Variants in STIM1 observed in about 807,000 individuals in gnomAD.
STIM1 encodes stromal interaction molecule 1.
A neutral mutation model predicts 74.7 loss-of-function variants in STIM1; 25 were observed. That is an observed-to-expected ratio of 0.33 (90% CI 0.24 to 0.47). STIM1 has a LOEUF of 0.47. Ranked by LOEUF, STIM1 falls within the 20% of genes least tolerant of loss-of-function variation. STIM1 has a pLI of 1.00. For missense variants in STIM1, 728 were observed against 920.8 expected, an observed-to-expected ratio of 0.79 and a Z score of 2.71; for synonymous variants, 328 against 348.8, an observed-to-expected ratio of 0.94 and a Z score of 0.66.
intron 2 of STIM1, among the ~76,000 whole-genome samples, chr11:3,982,555 TAA>T (rs2093516899): frequency 6.6e-6 from 1 of 152,230 alleles, no homozygotes; most frequent in Non-Finnish European, 1.5e-5. Context: ...CTGTCTCATA[TAA>T]TCCTTACAAG....
At chr11:3,862,429 A>G (rs1158390296) in intron 1 of STIM1, among the ~76,000 whole-genome samples, 4 of 152,262 alleles carry the variant, frequency 2.6e-5, no homozygotes, top group African/African-American at 9.6e-5. Flanking sequence ...AGCCTTGTAG[A>G]ATGCTCTGTA....
intron 1 of STIM1, among the ~76,000 whole-genome samples, chr11:3,899,581 C>T (rs1487267122): frequency 6.7e-6 from 1 of 149,966 alleles, no homozygotes; most frequent in Non-Finnish European, 1.5e-5. Context: ...GAGAGGGCAT[C>T]CCTGTCTTGT....
rs1031529306 is a variant in STIM1, at chr11:3,873,731, C to T, written c.139+17322C>T. On this transcript the variant is annotated intron_variant, in intron 1 of 12. Transcript: ENST00000526596. ...TACGCAGGAAGGGTGTTAGGGCCTC[C>T]AGGCATACTTATGCTGCTTCTGTTA... Among the ~76,000 whole-genome samples the T allele has an allele frequency of 3.3e-5, 5 of 152,140 alleles. No homozygotes were observed. In the East Asian group the frequency reaches 9.6e-4, roughly 29 times the overall value.
chr11:4,017,337 T>C (rs771521494), intron 2 of STIM1, among the ~76,000 whole-genome samples: 5 of 152,200 alleles, frequency 3.3e-5, no homozygotes, highest in Non-Finnish European at 1.5e-5. Flanking sequence ...AGTTCCTCTT[T>C]TGGCATCATC....
chr11:4,022,464 T>C, intron 2 of STIM1, among the ~76,000 whole-genome samples: 1 of 152,128 alleles, frequency 6.6e-6, no homozygotes, highest in East Asian at 1.9e-4. Context: ...CTTTCCTTTC[T>C]TTCCTCTTGC....
Position 4,074,616 on chromosome 11 carries a change from G to A in STIM1, c.906G>A (p.Glu302=). 4 of 1,608,604 alleles carry A rather than the reference G, an allele frequency of 2.5e-6. No individual in the cohort carries two copies. The highest frequency in any genetic ancestry group is 3.4e-6 in the Non-Finnish European group (4 of 1,177,386). Residue 302 remains glutamate (E), a synonymous_variant, in exon 7 of 13, where the codon GAG becomes GAA. Transcript: ENST00000526596. ...AGCAGGAAGCCCAGCGGCTGAAGGA[G>A]CTGCGGGAGGGTACTGAGAATGAGC... ...LAKQEAQRLK[E]LREGTENERS...
intron 7 of STIM1, among the ~76,000 whole-genome samples, chr11:4,076,484 T>C: frequency 4.0e-5 from 1 of 24,728 alleles, no homozygotes; most frequent in Non-Finnish European, 6.6e-5. Flanking sequence ...AGACTCCATC[T>C]CAAAAAAAAA....
At chr11:4,085,167 C>T (rs531445380) in intron 11 of STIM1, among the ~76,000 whole-genome samples, 1 of 150,974 alleles carries the variant, frequency 6.6e-6, no homozygotes, top group East Asian at 1.9e-4. Context: ...ACTTCCTCAT[C>T]CTCTTCAGCC....
intron 2 of STIM1, among the ~76,000 whole-genome samples, chr11:4,019,525 A>C (rs549801519): frequency 6.6e-6 from 1 of 152,016 alleles, no homozygotes. Context: ...AATTTAAAAA[A>C]ATAGCTCGGT....
At chr11:3,988,935 CTG>C (rs2093582645) in intron 2 of STIM1, among the ~76,000 whole-genome samples, 1 of 152,198 alleles carries the variant, frequency 6.6e-6, no homozygotes, top group South Asian at 2.1e-4. Context: ...ATAACCCACA[CTG>C]TTTTCTGGTT....
At chr11:3,928,063 A>G (rs1434346506) in intron 1 of STIM1, among the ~76,000 whole-genome samples, 1 of 152,178 alleles carries the variant, frequency 6.6e-6, no homozygotes, top group African/African-American at 2.4e-5. Flanking sequence ...GAAATAAAGT[A>G]AGTGCTTAGT....
At chr11:3,969,465 G>C (rs2093371209) in intron 2 of STIM1, among the ~76,000 whole-genome samples, 1 of 152,114 alleles carries the variant, frequency 6.6e-6, no homozygotes, top group African/African-American at 2.4e-5. Flanking sequence ...CTGGGCAACA[G>C]AGCAAGACCC....
intron 1 of STIM1, among the ~76,000 whole-genome samples, chr11:3,912,694 A>T (rs1019559522): frequency 1.3e-5 from 2 of 152,046 alleles, no homozygotes; most frequent in South Asian, 4.1e-4. Flanking sequence ...GACAAAATAT[A>T]AAAAAAACTG....
intron 1 of STIM1, among the ~76,000 whole-genome samples, chr11:3,898,642 A>G (rs374650505): frequency 3.3e-4 from 49 of 150,668 alleles, no homozygotes; most frequent in Admixed American, 1.6e-3. Context: ...GGTTTTTATG[A>G]TTTTAGGTCT....
chr11:4,064,628 G>A (rs1020249081), intron 5 of STIM1, among the ~76,000 whole-genome samples: 1 of 152,118 alleles, frequency 6.6e-6, no homozygotes, highest in Non-Finnish European at 1.5e-5. Flanking sequence ...TAGCCAAGAG[G>A]GTCTGCTGAG....
chr11:3,893,959 T>C (rs2091976806), intron 1 of STIM1, among the ~76,000 whole-genome samples: 1 of 152,180 alleles, frequency 6.6e-6, no homozygotes, highest in Non-Finnish European at 1.5e-5. Context: ...TTTGTATTTT[T>C]TGTAGAGATG....
At chr11:4,056,492 C>T (rs543648376) in intron 4 of STIM1, among the ~76,000 whole-genome samples, 1 of 152,336 alleles carries the variant, frequency 6.6e-6, no homozygotes, top group African/African-American at 2.4e-5. Context: ...CTGTCCTTGC[C>T]CTCAAAGGGC....
chr11:3,940,852 T>A (rs2092996238), intron 1 of STIM1, among the ~76,000 whole-genome samples: 1 of 152,160 alleles, frequency 6.6e-6, no homozygotes, highest in Admixed American at 6.5e-5. Context: ...TTAAAAGAGA[T>A]GTTTTTATAG....
intron 1 of STIM1, among the ~76,000 whole-genome samples, chr11:3,914,458 T>C (rs529127514): frequency 6.6e-6 from 1 of 152,344 alleles, no homozygotes; most frequent in Non-Finnish European, 1.5e-5. Context: ...TTTTATATTT[T>C]TTGAGACGGA....
Sources: gnomAD v4.1 joint callset for allele counts (sites outside exome capture counted in the v4.1 genomes callset) on GRCh38, gnomAD v4.1.1 for gene constraint, MANE v1.5 for transcripts, NCBI Gene and HGNC (gene_info 2026-07-23, HGNC 2026-07-21) for gene names.